Variants in ZBTB49 observed in about 807,000 individuals in gnomAD.
The protein encoded by ZBTB49 is zinc finger and BTB domain-containing protein 49.
In ZBTB49, 43 loss-of-function variants were observed where a neutral mutation model predicts 57.5. The observed-to-expected ratio is 0.75, with a 90% confidence interval of 0.59 to 0.97. The LOEUF (loss-of-function observed/expected upper bound fraction) is 0.97. ZBTB49 is among the 50% of genes least tolerant of loss of function. ZBTB49 has a pLI of 0.00. For missense variants in ZBTB49, 938 were observed against 947.7 expected, an observed-to-expected ratio of 0.99 and a Z score of 0.13; for synonymous variants, 369 against 362.1, an observed-to-expected ratio of 1.02 and a Z score of -0.22.
At chr4:4,293,253 AGTTAGT>A (rs1263617000) in intron 1 of ZBTB49, among the ~76,000 whole-genome samples, 1 of 150,762 alleles carries the variant, frequency 6.6e-6, no homozygotes, top group African/African-American at 2.5e-5. Context: ...TCACTAGGTG[AGTTAGT>A]CGCAAAGATG....
At chr4:4,318,941 A>G (rs1721300293) in intron 7 of ZBTB49, among the ~76,000 whole-genome samples, 1 of 137,108 alleles carries the variant, frequency 7.3e-6, no homozygotes, top group Non-Finnish European at 1.5e-5. Flanking sequence ...CTCATGCTGC[A>G]GTGCAGTGGT....
At chr4:4,293,075 G>T (rs1252156827) in intron 1 of ZBTB49, among the ~76,000 whole-genome samples, 2 of 152,112 alleles carry the variant, frequency 1.3e-5, no homozygotes, top group Admixed American at 6.5e-5. Flanking sequence ...TCCAATAGGG[G>T]ACCTCTCCAT....
intron 7 of ZBTB49, among the ~76,000 whole-genome samples, chr4:4,316,173 A>C (rs546967834): frequency 6.6e-6 from 1 of 152,256 alleles, no homozygotes; most frequent in Admixed American, 6.5e-5. Context: ...GAACTGTCCT[A>C]AACGCTCCGA....
At chr4:4,306,402 T>C (rs1001821447) in intron 4 of ZBTB49, among the ~76,000 whole-genome samples, 6 of 152,242 alleles carry the variant, frequency 3.9e-5, no homozygotes, top group Admixed American at 1.3e-4. Context: ...CTTACAATAC[T>C]TTTTTCGCCT....
At chr4:4,308,102 G>A (rs1332833751) in intron 4 of ZBTB49, among the ~76,000 whole-genome samples, 1 of 152,076 alleles carries the variant, frequency 6.6e-6, no homozygotes, top group Non-Finnish European at 1.5e-5. Context: ...ATTTTTGATG[G>A]AGCATCGCTC....
chr4:4,313,163 C>G, intron 5 of ZBTB49, 49 bp downstream of exon 5: 1 of 1,608,004 alleles, frequency 6.2e-7, no homozygotes, highest in Non-Finnish European at 8.5e-7. Context: ...TGTCTAGTCT[C>G]AGTGTCTTTG....
chr4:4,306,420 G>A (rs552770760), intron 4 of ZBTB49, among the ~76,000 whole-genome samples: 1 of 152,274 alleles, frequency 6.6e-6, no homozygotes, highest in East Asian at 1.9e-4. Context: ...CCTTGCTAAG[G>A]ATGAGTCCAA....
At chr4:4,320,424 G>A (rs1168155033) in intron 7 of ZBTB49, among the ~76,000 whole-genome samples, 1 of 151,692 alleles carries the variant, frequency 6.6e-6, no homozygotes, top group Non-Finnish European at 1.5e-5. Flanking sequence ...AATGGCCACT[G>A]TAAAAGCATC....
rs137857478 is a variant in ZBTB49, at chr4:4,300,059, G to A, written c.114G>A (p.Ala38=). 8.5e-4 allele frequency: 1,365 copies of A among 1,614,130 alleles called. 5 individuals carry two copies. Among genetic ancestry groups the A allele is most frequent in the African/African-American group, 8.1e-3 (606 of 75,028 alleles). Residue 38 remains alanine (A), a synonymous_variant, in exon 2 of 8, where the codon GCG becomes GCA. Coordinates refer to ENST00000337872, the MANE Select transcript of ZBTB49 (RefSeq NM_145291.4). ...MLVVKGVCFK[A]HKNVLAAFSQ... ...TGGTAAAAGGAGTCTGCTTTAAAGC[G>A]CATAAGAATGTCCTGGCAGCATTCA...
At chr4:4,317,873 G>A (rs576143369) in intron 7 of ZBTB49, among the ~76,000 whole-genome samples, 15 of 152,252 alleles carry the variant, frequency 9.9e-5, no homozygotes, top group South Asian at 8.3e-4. Context: ...ATGCATTTCC[G>A]TTCAGCTGGC....
intron 7 of ZBTB49, among the ~76,000 whole-genome samples, chr4:4,317,482 C>A (rs1192185769): frequency 1.3e-5 from 2 of 152,080 alleles, no homozygotes; most frequent in African/African-American, 4.8e-5. Context: ...CCATTAGCAA[C>A]CCCCTTCCCA....
chr4:4,304,509 C>A (rs1286093042), intron 3 of ZBTB49, among the ~76,000 whole-genome samples: 1 of 147,114 alleles, frequency 6.8e-6, no homozygotes. Context: ...TGAGCCACAA[C>A]GCTTGGCCCG....
At chr4:4,314,453 C>T (rs1399498347) in intron 5 of ZBTB49, among the ~76,000 whole-genome samples, 1 of 152,332 alleles carries the variant, frequency 6.6e-6, no homozygotes, top group East Asian at 1.9e-4. Flanking sequence ...CTCACTGCAA[C>T]CTCCACCCCC....
chr4:4,304,688 G>A (rs1170173780), intron 3 of ZBTB49, among the ~76,000 whole-genome samples: 4 of 151,742 alleles, frequency 2.6e-5, no homozygotes, highest in Non-Finnish European at 5.9e-5. Context: ...GTATGGTCTG[G>A]GGAACCCTTT....
chr4:4,294,409 T>C (rs1720089762), intron 1 of ZBTB49, among the ~76,000 whole-genome samples: 1 of 152,118 alleles, frequency 6.6e-6, no homozygotes, highest in African/African-American at 2.4e-5. Context: ...CAGGCTGGAG[T>C]GCAGTGGTGC....
intron 1 of ZBTB49, among the ~76,000 whole-genome samples, chr4:4,292,270 G>T (rs1719979419): frequency 6.6e-6 from 1 of 152,316 alleles, no homozygotes; most frequent in South Asian, 2.1e-4. Flanking sequence ...AACTGAGCAA[G>T]ACTGCGTCTC....
chr4:4,303,524 A>G (rs1336588627), intron 3 of ZBTB49, among the ~76,000 whole-genome samples: 1 of 152,172 alleles, frequency 6.6e-6, no homozygotes, highest in Non-Finnish European at 1.5e-5. Flanking sequence ...GAATGATTCT[A>G]CAAGTTCTCT....
chr4:4,313,662 G>A (rs757375381), intron 5 of ZBTB49, among the ~76,000 whole-genome samples: 1 of 152,120 alleles, frequency 6.6e-6, no homozygotes, highest in South Asian at 2.1e-4. Context: ...GTGGCAGCTC[G>A]ATTCCTCTGC....
chr4:4,300,159 A>G, intron 2 of ZBTB49, 62 bp downstream of exon 2: 1 of 1,553,584 alleles, frequency 6.4e-7, no homozygotes, highest in Non-Finnish European at 8.8e-7. Flanking sequence ...TTTAGTATGG[A>G]AGTATTCATA....
Sources: allele counts gnomAD v4.1 joint callset (sites outside exome capture counted in the v4.1 genomes callset), GRCh38; gene constraint gnomAD v4.1.1; transcripts MANE v1.5; gene names NCBI Gene and HGNC (gene_info 2026-07-23, HGNC 2026-07-21).